Variants in RANBP2 observed in about 807,000 individuals in gnomAD.
The protein encoded by RANBP2 is RAN binding protein 2, also known as E3 SUMO-protein ligase RanBP2.
In RANBP2, 57 loss-of-function variants were observed where a neutral mutation model predicts 303.6. The observed-to-expected ratio is 0.19, with a 90% CI of 0.15 to 0.23. RANBP2 has a LOEUF of 0.23. Among genes scored for constraint, RANBP2 ranks in the 10% least tolerant of loss-of-function variants. The pLI, the probability that RANBP2 is intolerant of heterozygous loss-of-function variation, is 1.00. For synonymous variants in RANBP2, 1,167 were observed against 1,301.5 expected (o/e 0.90, Z 2.23); for missense variants, 3,138 against 3,780.8 (o/e 0.83, Z 4.46).
chr2:108,886,501 G>A, the RANBP2 span, among the ~76,000 whole-genome samples: 60 of 152,092 alleles, frequency 3.9e-4, no homozygotes, highest in African/African-American at 5.3e-4. Flanking sequence ...TGCACGCTCC[G>A]CCTCTTGGGT....
the RANBP2 span, among the ~76,000 whole-genome samples, chr2:109,022,712 C>G: frequency 6.6e-6 from 1 of 152,102 alleles, no homozygotes; most frequent in African/African-American, 2.4e-5. Flanking sequence ...CACAATAGAT[C>G]CAGGTAACAA....
chr2:108,974,099 G>C, the RANBP2 span, among the ~76,000 whole-genome samples: 3 of 151,596 alleles, frequency 2.0e-5, no homozygotes, highest in African/African-American at 7.3e-5. Context: ...GGAGGCCGAG[G>C]TGGGTGGATC....
the RANBP2 span, among the ~76,000 whole-genome samples, chr2:109,295,655 AGGGGCCT>A: frequency 0.015 from 2,357 of 152,266 alleles, 48 homozygotes; most frequent in African/African-American, 0.054. Context: ...CCCACAGGAC[AGGGGCCT>A]GCTGCCTGGT....
chr2:109,109,092 C>T, the RANBP2 span, among the ~76,000 whole-genome samples: 1 of 152,330 alleles, frequency 6.6e-6, no homozygotes, highest in Middle Eastern at 3.4e-3. Flanking sequence ...TGCCTGCTTT[C>T]TGCACTAGAC....
At chr2:109,532,651 T>C in the RANBP2 span, among the ~76,000 whole-genome samples, 1 of 152,136 alleles carries the variant, frequency 6.6e-6, no homozygotes, top group African/African-American at 2.4e-5. Flanking sequence ...CATCAGATGA[T>C]GCCCAAAGGC....
the RANBP2 span, among the ~76,000 whole-genome samples, chr2:109,116,429 C>T: frequency 6.6e-6 from 1 of 152,214 alleles, no homozygotes; most frequent in African/African-American, 2.4e-5. Context: ...ACATCGGCTC[C>T]TGAGGCTTCT....
At chr2:109,490,649 C>T in the RANBP2 span, 1 of 1,500,748 alleles carries the variant, frequency 6.7e-7, no homozygotes, top group Non-Finnish European at 8.9e-7. Context: ...CCGGAGCATC[C>T]ACCAAGAAGA....
chr2:108,904,046 A>G, the RANBP2 span, among the ~76,000 whole-genome samples: 1 of 152,232 alleles, frequency 6.6e-6, no homozygotes, highest in African/African-American at 2.4e-5. Flanking sequence ...TGGAGAAAAC[A>G]TTTATAAAAC....
chr2:108,824,805 T>C, the RANBP2 span, among the ~76,000 whole-genome samples: 2 of 152,002 alleles, frequency 1.3e-5, no homozygotes, highest in African/African-American at 4.8e-5. Context: ...ACATGAATAA[T>C]TTACTGCCCT....
the RANBP2 span, among the ~76,000 whole-genome samples, chr2:109,369,033 C>T: frequency 3.3e-4 from 50 of 152,208 alleles, 1 homozygote; most frequent in Admixed American, 2.6e-3. Flanking sequence ...CTAGTGTCCT[C>T]GTGGTGTTTA....
chr2:109,079,153 C>T, the RANBP2 span, among the ~76,000 whole-genome samples: 4 of 151,148 alleles, frequency 2.6e-5, no homozygotes, highest in Non-Finnish European at 5.9e-5. Flanking sequence ...AAGGCCAACC[C>T]CTCCTCCTCC....
chr2:109,283,056 A>G, the RANBP2 span, among the ~76,000 whole-genome samples: 1 of 152,224 alleles, frequency 6.6e-6, no homozygotes, highest in African/African-American at 2.4e-5. Flanking sequence ...GACAGAAGGT[A>G]AGTCCAGGCT....
At chr2:109,586,673 CAG>C in the RANBP2 span, among the ~76,000 whole-genome samples, 2 of 152,174 alleles carry the variant, frequency 1.3e-5, no homozygotes, top group African/African-American at 4.8e-5. Flanking sequence ...AGGAGCTATG[CAG>C]AGTTTTCAAG....
the RANBP2 span, among the ~76,000 whole-genome samples, chr2:109,412,704 C>T: frequency 6.6e-6 from 1 of 152,238 alleles, no homozygotes; most frequent in African/African-American, 2.4e-5. Flanking sequence ...TGTTATTCTT[C>T]TCATACCACT....
At chr2:109,007,551 G>T in the RANBP2 span, among the ~76,000 whole-genome samples, 1 of 152,194 alleles carries the variant, frequency 6.6e-6, no homozygotes, top group African/African-American at 2.4e-5. Flanking sequence ...AGAGTAGCCT[G>T]CCTGGGGCTG....
chr2:109,600,553 C>A, the RANBP2 span, among the ~76,000 whole-genome samples: 956 of 148,952 alleles, frequency 6.4e-3, 8 homozygotes, highest in African/African-American at 0.022. Context: ...AAAAAAAAAA[C>A]CACAAACTGT....
the RANBP2 span, among the ~76,000 whole-genome samples, chr2:109,045,223 G>A: frequency 9.2e-5 from 14 of 152,180 alleles, no homozygotes; most frequent in African/African-American, 2.9e-4. Flanking sequence ...TCTAGAAGAG[G>A]AGGAGTGGGA....
At chr2:108,836,214 T>C in the RANBP2 span, among the ~76,000 whole-genome samples, 2 of 152,220 alleles carry the variant, frequency 1.3e-5, no homozygotes, top group East Asian at 3.8e-4. Context: ...TCTGCTTCAA[T>C]GAATTTGACA....
chr2:109,469,831 C>A, the RANBP2 span, among the ~76,000 whole-genome samples: 1 of 152,266 alleles, frequency 6.6e-6, no homozygotes, highest in East Asian at 1.9e-4. Flanking sequence ...TTTTTCCAGC[C>A]GTTGGTTATG....
Sources: allele counts gnomAD v4.1 joint callset (sites outside exome capture counted in the v4.1 genomes callset), GRCh38; gene constraint gnomAD v4.1.1; transcripts MANE v1.5; gene names NCBI Gene and HGNC (gene_info 2026-07-23, HGNC 2026-07-21).